RAPH1: variants seen among roughly 807,000 people sequenced by gnomAD.
The protein encoded by RAPH1 is ras-associated and pleckstrin homology domains-containing protein 1.
Under a neutral mutation model 88.1 loss-of-function variants are expected in RAPH1, and 18 were observed. The observed-to-expected ratio is 0.20, with a 90% CI of 0.14 to 0.30. The LOEUF (loss-of-function observed/expected upper bound fraction) is 0.30, where lower values mean the gene tolerates loss of function less well. RAPH1 is among the 10% of genes least tolerant of loss of function. The pLI is 1.00. For synonymous variants in RAPH1, 587 were observed against 559.0 expected (o/e 1.05, Z -0.71); for missense variants, 1,448 against 1,543.2 (o/e 0.94, Z 1.03).
At chr2:203,479,013 C>A (rs1339637644) in intron 4 of RAPH1, among the ~76,000 whole-genome samples, 1 of 152,130 alleles carries the variant, frequency 6.6e-6, no homozygotes, top group East Asian at 1.9e-4. Context: ...CTGCCAATAA[C>A]CCTGTTCTTA....
intron 1 of RAPH1, among the ~76,000 whole-genome samples, chr2:203,521,700 C>T (rs942472865): frequency 2.6e-5 from 4 of 151,932 alleles, no homozygotes; most frequent in Non-Finnish European, 5.9e-5. Context: ...TGTACAGTAA[C>T]TTTAAACAAC....
intron 4 of RAPH1, among the ~76,000 whole-genome samples, 197 bp from the exon 5 acceptor site, chr2:203,462,122 GT>G (rs1309433603): frequency 2.0e-5 from 3 of 152,206 alleles, no homozygotes; most frequent in Admixed American, 2.0e-4. Context: ...ACTTGAAGAT[GT>G]CTTACAATAG....
rs532569637 is a variant in RAPH1 at position 203,514,679 on chromosome 2, C to T, written c.1-19326G>A. Among the ~76,000 whole-genome samples, 15 of 152,108 alleles carry T rather than the reference C, an allele frequency of 9.9e-5. 1 individual carries two copies. The South Asian group carries it at 3.1e-3, about 32-fold the overall frequency. Reference sequence around the variant, plus strand: ...ATGCCATTCTCCTGCCTCAGCCTCCCGAGTAGCTGGAATTACAGGCGCCCA... The same window carrying T: ...ATGCCATTCTCCTGCCTCAGCCTCCTGAGTAGCTGGAATTACAGGCGCCCA... On this transcript the variant is annotated intron_variant, in intron 1 of 13. Transcript: ENST00000319170.
chr2:203,474,768 TA>T (rs899882111), intron 4 of RAPH1, among the ~76,000 whole-genome samples: 1 of 152,190 alleles, frequency 6.6e-6, no homozygotes, highest in Non-Finnish European at 1.5e-5. Flanking sequence ...ACGTTATTAG[TA>T]AAAATTGTTT....
At chr2:203,529,005 A>ATATATTTT (rs1553633903) in intron 1 of RAPH1, among the ~76,000 whole-genome samples, 5 of 41,146 alleles carry the variant, frequency 1.2e-4, no homozygotes, top group Non-Finnish European at 1.9e-4. Flanking sequence ...ATATATATAT[A>ATATATTTT]TTTTTTTTTT....
intron 1 of RAPH1, among the ~76,000 whole-genome samples, chr2:203,498,988 G>C (rs1191460180): frequency 6.6e-6 from 1 of 152,116 alleles, no homozygotes; most frequent in Non-Finnish European, 1.5e-5. Context: ...TGTAGCCTAG[G>C]AGTAACAGGC....
intron 12 of RAPH1, chr2:203,445,262 A>G: frequency 2.6e-6 from 1 of 379,892 alleles, no homozygotes; most frequent in Non-Finnish European, 4.7e-6. Context: ...TAAATGATTC[A>G]CATAACATTA....
chr2:203,491,257 G>A lies in RAPH1; in HGVS notation c.183C>T (p.Asn61=). Residue 61 remains asparagine, a synonymous_variant, in exon 3 of 14, where the codon AAC becomes AAT. Coordinates refer to ENST00000319170, the MANE Select transcript of RAPH1 (RefSeq NM_213589.3). The stretch of plus-strand genomic sequence containing the variant: ...AGAAGCGGTAAGAAAAGTTGGCCAT[G>A]TTTGTTTCCTGGCGAAGAGGAGATC... The part of the protein sequence containing the change: ...VKRSPLRQET[N]MANFSYRFSI... 1 of 1,613,546 alleles carries A rather than the reference G, an allele frequency of 6.2e-7. No homozygotes were observed. Among genetic ancestry groups the A allele is most frequent in the Non-Finnish European group, 8.5e-7 (1 of 1,179,696 alleles).
intron 7 of RAPH1, 85 bp downstream of exon 7, chr2:203,459,822 G>A: frequency 7.3e-7 from 1 of 1,376,044 alleles, no homozygotes; most frequent in African/African-American, 1.5e-5. Context: ...GTGTTTACCA[G>A]TCTTTTAACT....
intron 1 of RAPH1, among the ~76,000 whole-genome samples, chr2:203,508,799 A>C (rs986611177): frequency 6.6e-6 from 1 of 152,228 alleles, no homozygotes; most frequent in African/African-American, 2.4e-5. Flanking sequence ...AAATTTCAGA[A>C]ATAAATTTAA....
chr2:203,456,721 T>C (rs1031665251), intron 8 of RAPH1, among the ~76,000 whole-genome samples: 1 of 152,204 alleles, frequency 6.6e-6, no homozygotes, highest in Non-Finnish European at 1.5e-5. Flanking sequence ...CCTAATTGCC[T>C]TGCTGGTAAG....
intron 1 of RAPH1, among the ~76,000 whole-genome samples, chr2:203,513,059 A>C (rs1689424423): frequency 6.6e-6 from 1 of 152,216 alleles, no homozygotes; most frequent in Admixed American, 6.5e-5. Flanking sequence ...TTAGTTTAAT[A>C]AACAGTTTGC....
At chr2:203,445,102 T>G in intron 12 of RAPH1, 92 bp from the exon 13 acceptor site, 1 of 1,155,960 alleles carries the variant, frequency 8.7e-7, no homozygotes, top group Admixed American at 2.1e-5. Context: ...TTACACAAGG[T>G]CAAGTGCTGT....
chr2:203,474,821 G>A (rs1051646744), intron 4 of RAPH1, among the ~76,000 whole-genome samples: 1 of 152,188 alleles, frequency 6.6e-6, no homozygotes, highest in African/African-American at 2.4e-5. Flanking sequence ...AAAATACATA[G>A]CACAGAAGGC....
At chr2:203,504,316 T>C (rs1688878356) in intron 1 of RAPH1, among the ~76,000 whole-genome samples, 1 of 152,240 alleles carries the variant, frequency 6.6e-6, no homozygotes, top group Non-Finnish European at 1.5e-5. Context: ...CCGAAGTTTC[T>C]AAACCTCAGT....
At chr2:203,515,113 T>C (rs1304704667) in intron 1 of RAPH1, among the ~76,000 whole-genome samples, 1 of 152,172 alleles carries the variant, frequency 6.6e-6, no homozygotes, top group African/African-American at 2.4e-5. Context: ...GTAGAGGGTA[T>C]CATCTCCATC....
intron 4 of RAPH1, among the ~76,000 whole-genome samples, chr2:203,488,588 TAAAAAAAAA>T (rs750783858): frequency 0.039 from 1,422 of 36,652 alleles, 49 homozygotes; most frequent in African/African-American, 0.15. Flanking sequence ...CTCCGTCTAT[TAAAAAAAAA>T]AAAAAAAAAA....
rs2098504287 is a variant in RAPH1, at chr2:203,441,634, G to A, written c.1777-221C>T. 3 of 1,344,048 alleles carry A rather than the reference G, an allele frequency of 2.2e-6. No homozygotes were observed. In the East Asian group the frequency reaches 8.9e-5, roughly 40 times the overall value. The allele number at this position is 1,344,048 out of a possible 1,614,324, so 83.3% of individuals were successfully genotyped here. Reference sequence around the variant, plus strand: ...AACAGAAAACTTGTTTTACCCCACAGTAAAATAGCTAGACCATCTAACAAT... The same window carrying A: ...AACAGAAAACTTGTTTTACCCCACAATAAAATAGCTAGACCATCTAACAAT... On this transcript the variant is annotated intron_variant, in intron 13 of 13. Coordinates refer to ENST00000319170, the MANE Select transcript of RAPH1 (RefSeq NM_213589.3).
intron 13 of RAPH1, 128 bp downstream of exon 13, chr2:203,444,740 A>T: frequency 1.3e-6 from 1 of 786,010 alleles, no homozygotes; most frequent in East Asian, 2.6e-5. Context: ...AATTAGGAAG[A>T]TTGAAAATTA....
Sources: gnomAD v4.1 joint callset for allele counts (sites outside exome capture counted in the v4.1 genomes callset) on GRCh38, gnomAD v4.1.1 for gene constraint, MANE v1.5 for transcripts, NCBI Gene and HGNC (gene_info 2026-07-23, HGNC 2026-07-21) for gene names.